DAB1: variants seen among roughly 807,000 people sequenced by gnomAD.
DAB1 encodes DAB adaptor protein 1.
Under a neutral mutation model 64.6 loss-of-function variants are expected in DAB1, and 15 were observed. That is an observed-to-expected ratio of 0.23 (90% CI 0.16 to 0.36). The LOEUF is 0.36. DAB1 is among the 10% of genes least tolerant of loss of function. The pLI is 1.00. For missense variants in DAB1, 596 were observed against 706.7 expected, an observed-to-expected ratio of 0.84 and a Z score of 1.78; for synonymous variants, 235 against 251.9, an observed-to-expected ratio of 0.93 and a Z score of 0.64.
chr1:57,265,296 C>A (rs547377584), intron 2 of DAB1, among the ~76,000 whole-genome samples: 3 of 152,148 alleles, frequency 2.0e-5, no homozygotes, highest in African/African-American at 7.2e-5. Flanking sequence ...GCAGGATGTG[C>A]GTTCTTGTGT....
At chr1:58,309,048 C>G (rs1263248411) in intron 4 of DAB1, among the ~76,000 whole-genome samples, 2 of 152,066 alleles carry the variant, frequency 1.3e-5, no homozygotes, top group Non-Finnish European at 2.9e-5. Context: ...TGGAATTGAG[C>G]TGAAGAAGAA....
At chr1:57,762,643 T>C (rs1303401955) in intron 6 of DAB1, among the ~76,000 whole-genome samples, 1 of 152,170 alleles carries the variant, frequency 6.6e-6, no homozygotes, top group East Asian at 1.9e-4. Context: ...AAACTCACTA[T>C]ATTGCCCATT....
intron 1 of DAB1, among the ~76,000 whole-genome samples, chr1:57,365,289 A>ATTCT (rs1679896560): frequency 7.0e-6 from 1 of 142,112 alleles, no homozygotes; most frequent in African/African-American, 2.6e-5. Flanking sequence ...ATATTTATAT[A>ATTCT]TTATATAAAG....
At chr1:57,578,268 T>G (rs1645273451) in intron 7 of DAB1, among the ~76,000 whole-genome samples, 1 of 152,176 alleles carries the variant, frequency 6.6e-6, no homozygotes, top group African/African-American at 2.4e-5. Flanking sequence ...CCAGGCTTCT[T>G]TGGCATGAAG....
chr1:57,990,791 C>T (rs146727953), intron 5 of DAB1, among the ~76,000 whole-genome samples: 57 of 152,258 alleles, frequency 3.7e-4, no homozygotes, highest in African/African-American at 1.3e-3. Flanking sequence ...ACTCTCTGTA[C>T]TCCAGCAAGA....
intron 1 of DAB1, among the ~76,000 whole-genome samples, chr1:58,543,154 AC>A (rs1255806663): frequency 6.6e-6 from 1 of 152,212 alleles, no homozygotes; most frequent in African/African-American, 2.4e-5. Flanking sequence ...ATGAGCTTTT[AC>A]TTTATCCCCA....
chr1:57,033,350 G>T, intron 9 of DAB1: 1 of 1,607,184 alleles, frequency 6.2e-7, no homozygotes, highest in South Asian at 1.1e-5. Context: ...AGTATGAGCA[G>T]AACAACCTAA....
chr1:58,021,282 C>T (rs1373576327), intron 5 of DAB1, among the ~76,000 whole-genome samples: 1 of 152,164 alleles, frequency 6.6e-6, no homozygotes, highest in African/African-American at 2.4e-5. Context: ...GTGCGTATGA[C>T]CTAAATCACC....
At chr1:58,465,661 T>C (rs972429335) in intron 3 of DAB1, among the ~76,000 whole-genome samples, 2 of 152,018 alleles carry the variant, frequency 1.3e-5, no homozygotes, top group Admixed American at 1.3e-4. Context: ...TGCAGCCCCA[T>C]CAAACCAATG....
At chr1:57,309,129 G>A (rs546304208) in intron 1 of DAB1, among the ~76,000 whole-genome samples, 6 of 152,252 alleles carry the variant, frequency 3.9e-5, no homozygotes, top group East Asian at 1.9e-4. Flanking sequence ...TTTTTCCAAC[G>A]TGGCTCAGGG....
At chr1:57,346,408 G>A (rs947586232) in intron 1 of DAB1, among the ~76,000 whole-genome samples, 6 of 152,172 alleles carry the variant, frequency 3.9e-5, no homozygotes, top group Non-Finnish European at 8.8e-5. Context: ...CAAAGACTAA[G>A]TATTCATTCA....
At chr1:57,157,319 AGTATTCAC>A (rs2100869170) in intron 2 of DAB1, among the ~76,000 whole-genome samples, 1 of 152,280 alleles carries the variant, frequency 6.6e-6, no homozygotes. Context: ...TATCAAGCTG[AGTATTCAC>A]TTCTGTGCAT....
At chr1:58,067,322 TGCAAGA>T (rs1553157220) in intron 5 of DAB1, among the ~76,000 whole-genome samples, 1 of 152,218 alleles carries the variant, frequency 6.6e-6, no homozygotes, top group Non-Finnish European at 1.5e-5. Flanking sequence ...TGCTGTGGAA[TGCAAGA>T]GTGAATGAAT....
At chr1:58,124,217 C>CAT (rs200976955) in intron 5 of DAB1, among the ~76,000 whole-genome samples, 4,933 of 151,004 alleles carry the variant, frequency 0.033, 257 homozygotes, top group African/African-American at 0.11. Context: ...TACACACACA[C>CAT]ATATATATAT....
At chr1:57,843,170 T>C (rs547976651) in intron 1 of DAB1, among the ~76,000 whole-genome samples, 27 of 152,230 alleles carry the variant, frequency 1.8e-4, no homozygotes, top group Non-Finnish European at 3.5e-4. Context: ...AATCATAAGT[T>C]GAACCCTGTA....
At chr1:57,888,118 A>G (rs573022505), upstream of DAB1, among the ~76,000 whole-genome samples, 13 of 152,286 alleles carry the variant, frequency 8.5e-5, no homozygotes, top group East Asian at 2.3e-3. Context: ...CGACCACGAC[A>G]TTGGATGATT....
rs1261548358 is a variant in DAB1 at position 58,054,255 on chromosome 1, G to A, written n.387+96256C>T. 3.9e-5 allele frequency among the ~76,000 whole-genome samples: 6 copies of A among 152,204 alleles called. No individual in the cohort carries two copies. The South Asian group carries it at 6.2e-4, about 16-fold the overall frequency. On this transcript the variant is annotated intron_variant and non_coding_transcript_variant, in intron 5 of 20. Transcript: ENST00000485760. The stretch of plus-strand genomic sequence containing the variant: ...ATTTCTCTGCCAAGAGGAGATAACA[G>A]AATAACTCCTATATCTACAATTTTA...
intron 4 of DAB1, among the ~76,000 whole-genome samples, chr1:57,127,910 G>A (rs920293278): frequency 1.2e-4 from 19 of 152,116 alleles, no homozygotes; most frequent in African/African-American, 4.6e-4. Flanking sequence ...CACTTTGGGA[G>A]GCCAAGGCGG....
intron 6 of DAB1, among the ~76,000 whole-genome samples, chr1:57,675,429 C>T (rs1646554789): frequency 6.6e-6 from 1 of 152,154 alleles, no homozygotes; most frequent in Admixed American, 6.5e-5. Context: ...ATAAGGGCTT[C>T]CCTGGTACAT....
Sources: gnomAD v4.1 joint callset for allele counts (sites outside exome capture counted in the v4.1 genomes callset) on GRCh38, gnomAD v4.1.1 for gene constraint, MANE v1.5 for transcripts, NCBI Gene and HGNC (gene_info 2026-07-23, HGNC 2026-07-21) for gene names.